Variants in DAB1 observed in about 807,000 individuals in gnomAD.
DAB1 encodes DAB adaptor protein 1.
Under a neutral mutation model 64.6 loss-of-function variants are expected in DAB1, and 15 were observed. The observed-to-expected ratio is 0.23, with a 90% CI of 0.16 to 0.36. The LOEUF (loss-of-function observed/expected upper bound fraction) is 0.36, where lower values mean the gene tolerates loss of function less well. DAB1 is among the 10% of genes least tolerant of loss of function. DAB1 has a pLI of 1.00. For missense variants in DAB1, 596 were observed against 706.7 expected, an observed-to-expected ratio of 0.84 and a Z score of 1.78; for synonymous variants, 235 against 251.9, an observed-to-expected ratio of 0.93 and a Z score of 0.64.
At chr1:58,535,242 G>A (rs1265973291) in intron 1 of DAB1, among the ~76,000 whole-genome samples, 4 of 152,124 alleles carry the variant, frequency 2.6e-5, no homozygotes, top group African/African-American at 9.7e-5. Context: ...CAAGTGTACT[G>A]AGAAAATTAA....
intron 5 of DAB1, among the ~76,000 whole-genome samples, chr1:57,958,336 A>G (rs1056777133): frequency 2.0e-5 from 3 of 152,214 alleles, no homozygotes; most frequent in Admixed American, 2.0e-4. Context: ...AAGTTGGTAG[A>G]AAGATCTGCA....
intron 6 of DAB1, among the ~76,000 whole-genome samples, chr1:57,716,485 G>A (rs1647085637): frequency 6.6e-6 from 1 of 152,132 alleles, no homozygotes; most frequent in Non-Finnish European, 1.5e-5. Context: ...TACACATTGG[G>A]GAAAGGCCAG....
Position 58,330,342 on chromosome 1 carries a change from G to A in DAB1, n.309+13010C>T, listed in dbSNP as rs571797182. On this transcript the variant is annotated intron_variant and non_coding_transcript_variant, in intron 4 of 20. Transcript: ENST00000485760. ...GCAGAAGAAAAGTTGGATGCTAAAA[G>A]TTCACACTGTTTAAGAAAAGAAGTT... Among the ~76,000 whole-genome samples the A allele has an allele frequency of 5.3e-5, 8 of 152,324 alleles. No individual in the cohort carries two copies. The East Asian group carries it at 1.2e-3, about 22-fold the overall frequency.
chr1:57,667,762 A>G (rs879603351), intron 6 of DAB1, among the ~76,000 whole-genome samples: 7 of 152,148 alleles, frequency 4.6e-5, no homozygotes, highest in Non-Finnish European at 1.0e-4. Context: ...CATTCTCAGT[A>G]AACTAACACA....
At chr1:58,205,200 A>G (rs1658202381) in intron 4 of DAB1, among the ~76,000 whole-genome samples, 1 of 152,094 alleles carries the variant, frequency 6.6e-6, no homozygotes, top group Non-Finnish European at 1.5e-5. Context: ...ACAGACTTCC[A>G]TCTGAGTGGG....
chr1:57,539,984 T>C (rs2101445025), intron 7 of DAB1, among the ~76,000 whole-genome samples: 1 of 152,262 alleles, frequency 6.6e-6, no homozygotes, highest in South Asian at 2.1e-4. Flanking sequence ...ATGCCACATT[T>C]TGGTGGCCGT....
chr1:57,426,310 A>T (rs570172001), upstream of DAB1, among the ~76,000 whole-genome samples: 14 of 152,358 alleles, frequency 9.2e-5, no homozygotes, highest in South Asian at 2.9e-3. Flanking sequence ...TCCACCACGG[A>T]AACTGGGCAA....
chr1:57,510,165 T>C (rs1644390523), intron 7 of DAB1, among the ~76,000 whole-genome samples: 1 of 152,184 alleles, frequency 6.6e-6, no homozygotes, highest in African/African-American at 2.4e-5. Flanking sequence ...CATTCACATT[T>C]TTAACCCATC....
chr1:57,205,592 G>T (rs181911387), intron 2 of DAB1, among the ~76,000 whole-genome samples: 1 of 152,246 alleles, frequency 6.6e-6, no homozygotes, highest in East Asian at 1.9e-4. Flanking sequence ...AGACTTTGTA[G>T]GATGCATAAA....
intron 1 of DAB1, among the ~76,000 whole-genome samples, chr1:57,323,310 G>A (rs1675875455): frequency 6.6e-6 from 1 of 152,138 alleles, no homozygotes; most frequent in South Asian, 2.1e-4. Flanking sequence ...AATCAGACAA[G>A]GAAGGCCAAG....
chr1:57,873,851 T>TATAC (rs1643996574), intron 1 of DAB1: 1 of 152,188 alleles, frequency 6.6e-6, no homozygotes, highest in African/African-American at 2.4e-5. Context: ...TATATAATAG[T>TATAC]ATTTGCTATT....
rs372791373 is a variant in DAB1 at position 57,584,805 on chromosome 1, T to A, written n.625+64787A>T. Among the ~76,000 whole-genome samples the A allele has an allele frequency of 5.3e-5, 8 of 152,304 alleles. No individual in the cohort carries two copies. In the East Asian group the frequency reaches 1.4e-3, roughly 26 times the overall value. The stretch of plus-strand genomic sequence containing the variant: ...AGGTCCCCTAATACCTGTATGGATA[T>A]CTCCATTATTAGTTTCTCTACCCCT... On this transcript the variant is annotated intron_variant and non_coding_transcript_variant, in intron 7 of 20. Coordinates refer to the DAB1 transcript ENST00000485760.
chr1:57,418,488 A>C (rs1165056899), intron 1 of DAB1, among the ~76,000 whole-genome samples: 1 of 152,200 alleles, frequency 6.6e-6, no homozygotes, highest in African/African-American at 2.4e-5. Flanking sequence ...GAGCAGATGC[A>C]TGGGGTTGGT....
rs569528963 is a variant in DAB1 at position 57,777,172 on chromosome 1, A to C, written n.551+106827T>G. On this transcript the variant is annotated intron_variant and non_coding_transcript_variant, in intron 6 of 20. Transcript: ENST00000485760. ...TTTTTTTTTTTTTGGATTAAAAAAA[A>C]TCAGTGAACCTTCTTATTTGTATTC... is the stretch of plus-strand genomic sequence containing the variant. 2.8e-5 allele frequency among the ~76,000 whole-genome samples: 4 copies of C among 140,538 alleles called. No homozygotes were observed. In the South Asian group the frequency reaches 6.7e-4, roughly 23 times the overall value. 92.2% of individuals were successfully genotyped at this position (140,538 alleles called of 152,430 possible).
At chr1:58,262,404 G>A (rs1264040524) in intron 4 of DAB1, among the ~76,000 whole-genome samples, 2 of 152,106 alleles carry the variant, frequency 1.3e-5, no homozygotes, top group Non-Finnish European at 2.9e-5. Flanking sequence ...GGACAACATG[G>A]TGAAACCCCA....
chr1:58,201,638 T>C (rs918413136), intron 4 of DAB1, among the ~76,000 whole-genome samples: 1 of 152,164 alleles, frequency 6.6e-6, no homozygotes, highest in Non-Finnish European at 1.5e-5. Flanking sequence ...CAGAGGAAGT[T>C]TGCAGAAAAA....
At chr1:57,996,972 C>T (rs931585410) in intron 5 of DAB1, among the ~76,000 whole-genome samples, 5 of 152,052 alleles carry the variant, frequency 3.3e-5, no homozygotes, top group Non-Finnish European at 7.4e-5. Flanking sequence ...GCCTCCACCC[C>T]ACTGCCAACC....
chr1:57,402,476 G>A (rs1683324756), intron 1 of DAB1, among the ~76,000 whole-genome samples: 1 of 152,096 alleles, frequency 6.6e-6, no homozygotes, highest in Admixed American at 6.5e-5. Flanking sequence ...AATAGGGATG[G>A]TTTAATTACA....
chr1:57,119,103 A>G (rs1049176926), intron 4 of DAB1, among the ~76,000 whole-genome samples: 2 of 152,178 alleles, frequency 1.3e-5, no homozygotes, highest in Non-Finnish European at 2.9e-5. Flanking sequence ...CACTTGTCTC[A>G]ACTGGATCTA....
Sources: allele counts gnomAD v4.1 joint callset (sites outside exome capture counted in the v4.1 genomes callset), GRCh38; gene constraint gnomAD v4.1.1; transcripts MANE v1.5; gene names NCBI Gene and HGNC (gene_info 2026-07-23, HGNC 2026-07-21).